Variants in DIXDC1 observed in about 807,000 individuals in gnomAD.
DIXDC1 encodes DIX domain containing 1, also known as dixin.
Under a neutral mutation model 103.1 loss-of-function variants are expected in DIXDC1, and 64 were observed. The observed-to-expected ratio is 0.62, with a 90% CI of 0.51 to 0.76. The LOEUF is 0.76. Ranked by LOEUF, DIXDC1 falls within the 30% of genes least tolerant of loss-of-function variation. The pLI, the probability that DIXDC1 is intolerant of heterozygous loss-of-function variation, is 0.00. For missense variants in DIXDC1, 759 were observed against 834.2 expected (o/e 0.91, Z 1.11); for synonymous variants, 266 against 298.5 (o/e 0.89, Z 1.12).
intron 18 of DIXDC1, 54 bp downstream of exon 18, chr11:112,016,850 C>A (rs371486683): frequency 3.9e-5 from 57 of 1,452,666 alleles, no homozygotes; most frequent in East Asian, 2.7e-4. Flanking sequence ...GAAGGCAGAA[C>A]CTCATTAGTT....
At chr11:111,988,608 A>G (rs1302202869) in intron 9 of DIXDC1, among the ~76,000 whole-genome samples, 7 of 152,228 alleles carry the variant, frequency 4.6e-5, no homozygotes, top group African/African-American at 1.7e-4. Context: ...AATAGGGATA[A>G]TTATTTAATG....
chr11:111,966,474 G>A (rs1418224595), intron 2 of DIXDC1, among the ~76,000 whole-genome samples: 1 of 146,492 alleles, frequency 6.8e-6, no homozygotes, highest in Non-Finnish European at 1.5e-5. Context: ...CGCAATCTCG[G>A]CTCACTGCAA....
At chr11:111,997,481 G>A (rs1484233465) in intron 17 of DIXDC1, among the ~76,000 whole-genome samples, 2 of 152,130 alleles carry the variant, frequency 1.3e-5, no homozygotes, top group African/African-American at 2.4e-5. Context: ...GATTACAGAC[G>A]TGCACTACCA....
At chr11:111,959,620 C>T (rs1326883088) in intron 1 of DIXDC1, among the ~76,000 whole-genome samples, 3 of 152,226 alleles carry the variant, frequency 2.0e-5, no homozygotes, top group Admixed American at 6.5e-5. Flanking sequence ...AAGCAAAACT[C>T]AGGCAAAGGC....
chr11:112,008,773 A>C (rs1380605573), intron 17 of DIXDC1, among the ~76,000 whole-genome samples: 1 of 152,248 alleles, frequency 6.6e-6, no homozygotes, highest in African/African-American at 2.4e-5. Flanking sequence ...ACAAAGACAC[A>C]ACGTACCAGA....
chr11:111,989,391 G>A (rs1040430494), intron 10 of DIXDC1, among the ~76,000 whole-genome samples: 1 of 152,032 alleles, frequency 6.6e-6, no homozygotes, highest in African/African-American at 2.4e-5. Flanking sequence ...TTGGGAGGCC[G>A]AGGCAGGCGG....
chr11:111,929,498 A>G (rs1272980079), intron 1 of DIXDC1, among the ~76,000 whole-genome samples: 1 of 150,364 alleles, frequency 6.7e-6, no homozygotes, highest in East Asian at 2.0e-4. Flanking sequence ...TGGGAGGATC[A>G]CTTGAACCCA....
chr11:111,979,455 C>T (rs980248772), intron 5 of DIXDC1, among the ~76,000 whole-genome samples: 1 of 152,182 alleles, frequency 6.6e-6, no homozygotes, highest in African/African-American at 2.4e-5. Flanking sequence ...GGGGGCTGGG[C>T]CCGGAGACCC....
intron 2 of DIXDC1, among the ~76,000 whole-genome samples, chr11:111,966,397 ATTTTTTTTT>A (rs1221666046): frequency 2.7e-3 from 158 of 58,658 alleles, no homozygotes; most frequent in African/African-American, 9.8e-3. Flanking sequence ...TAATTTTTGT[ATTTTTTTTT>A]TTTTTTTTTT....
intron 17 of DIXDC1, 58 bp downstream of exon 17, chr11:111,996,204 A>G: frequency 6.9e-7 from 1 of 1,457,278 alleles, no homozygotes; most frequent in South Asian, 1.2e-5. Context: ...GAAATTTAGT[A>G]TTTTTCACAC....
intron 11 of DIXDC1, 64 bp downstream of exon 11, chr11:111,992,583 A>G: frequency 7.3e-7 from 1 of 1,376,028 alleles, no homozygotes; most frequent in Non-Finnish European, 1.0e-6. Flanking sequence ...TACTGCACGA[A>G]GAACTATTAG....
chr11:111,968,839 A>G (rs1859819319), intron 3 of DIXDC1, among the ~76,000 whole-genome samples: 1 of 152,078 alleles, frequency 6.6e-6, no homozygotes, highest in African/African-American at 2.4e-5. Context: ...CAATGGCACA[A>G]TCTTGGTTCA....
chr11:111,966,397 A>AATTTTTTTT (rs1406243811), intron 2 of DIXDC1, among the ~76,000 whole-genome samples: 4 of 58,710 alleles, frequency 6.8e-5, no homozygotes, highest in African/African-American at 2.6e-4. Context: ...TAATTTTTGT[A>AATTTTTTTT]TTTTTTTTTT....
intron 18 of DIXDC1, 72 bp downstream of exon 18, chr11:112,016,868 A>T: frequency 7.7e-7 from 1 of 1,295,456 alleles, no homozygotes; most frequent in Non-Finnish European, 1.1e-6. Context: ...GTTACTGCCC[A>T]CATGAGCAGC....
intron 1 of DIXDC1, among the ~76,000 whole-genome samples, chr11:111,948,795 C>T (rs1211042120): frequency 1.3e-3 from 200 of 152,126 alleles, no homozygotes; most frequent in African/African-American, 4.5e-3. Context: ...TGAACTCCTT[C>T]AGCTTCCCTC....
In DIXDC1 at chr11:111,985,275, G is replaced by A. The variant is rs1555173703; in HGVS notation, c.962G>A (p.Arg321Lys). The change falls in exon 8 of 20, where the codon AGG becomes AAG. Residue 321 changes from arginine to lysine, a missense_variant. By Grantham distance (26) the Arg-to-Lys change is conservative. Coordinates refer to ENST00000440460, the MANE Select transcript of DIXDC1 (RefSeq NM_001037954.4). ...NGSLPEDEQE[R>K]PLALCEPGVN... Reference sequence around the variant, plus strand: ...TCCTTACCTGAAGATGAACAGGAGAGGCCCTTGGCCCTCTGTGAACCAGGT... The same window carrying A: ...TCCTTACCTGAAGATGAACAGGAGAAGCCCTTGGCCCTCTGTGAACCAGGT... 1.9e-6 allele frequency: 3 copies of A among 1,613,600 alleles called. No homozygotes were observed. Among genetic ancestry groups the A allele is most frequent in the Non-Finnish European group, 2.5e-6 (3 of 1,179,786 alleles).
chr11:112,017,672 A>G lies in DIXDC1; in HGVS notation c.1863-105A>G. ...CGGGGCAGTGACCTAACAAGGGGCT[A>G]TTTCTGCTTATTGACTTTGGCAGGG... On this transcript the variant is annotated intron_variant, in intron 18 of 19. Transcript: ENST00000440460. The surrounding 1 kb of genome is among the most constrained non-coding windows in gnomAD (Gnocchi z 4.0). 2 of 890,066 alleles carry G rather than the reference A, an allele frequency of 2.2e-6. No homozygotes were observed. The highest frequency in any genetic ancestry group is 3.5e-6 in the Non-Finnish European group (2 of 573,808). 55.1% of individuals were successfully genotyped at this position (890,066 alleles called of 1,614,324 possible). A position where few individuals can be genotyped will look rare whatever the true frequency, so the allele number is the denominator to read the frequency against.
chr11:112,017,880 G>T lies in DIXDC1; in HGVS notation c.1966G>T (p.Glu656Ter). ...ALDPEFGTVK[E>*]EIFHDDDAIP... is the part of the protein sequence containing the mutation. ...GGATCCTGAGTTTGGCACTGTCAAAGAGGAGGTAAAGAATCTGTGGGGAGT... is the reference window on the plus strand; with the variant it reads ...GGATCCTGAGTTTGGCACTGTCAAATAGGAGGTAAAGAATCTGTGGGGAGT... The change falls in exon 19 of 20, where the codon GAG becomes TAG. Residue 656 changes from glutamate to a stop codon, truncating the protein, a stop_gained. Transcript: ENST00000440460. LOFTEE classifies it high-confidence loss of function. The surrounding 1 kb of genome is among the most constrained non-coding windows in gnomAD (Gnocchi z 4.0). The T allele has an allele frequency of 6.2e-7, 1 of 1,606,596 alleles. No individual in the cohort carries two copies. The highest frequency in any genetic ancestry group is 8.5e-7 in the Non-Finnish European group (1 of 1,175,904).
intron 17 of DIXDC1, among the ~76,000 whole-genome samples, chr11:111,996,516 T>C (rs587688341): frequency 7.9e-5 from 12 of 152,340 alleles, no homozygotes; most frequent in Admixed American, 6.5e-4. Context: ...ACTTCTTCCT[T>C]GAAGCAAGGC....
Sources: gnomAD v4.1 joint callset for allele counts (sites outside exome capture counted in the v4.1 genomes callset) on GRCh38, gnomAD v4.1.1 for gene constraint, Gnocchi (gnomAD v3.1) non-coding constraint, MANE v1.5 for transcripts, NCBI Gene and HGNC (gene_info 2026-07-23, HGNC 2026-07-21) for gene names.